The following MYO5B variants were observed in gnomAD, a reference collection of about 807,000 sequenced individuals.
MYO5B encodes myosin VB.
A neutral mutation model predicts 229.3 loss-of-function variants in MYO5B; 143 were observed. The observed-to-expected ratio is 0.62, with a 90% confidence interval of 0.54 to 0.72. The LOEUF (loss-of-function observed/expected upper bound fraction) is 0.72, where lower values mean the gene tolerates loss of function less well. MYO5B is among the 30% of genes least tolerant of loss of function. The probability of loss-of-function intolerance (pLI) is 0.00; values close to 1 mark genes in which losing one functional copy is unlikely to be tolerated. For missense variants in MYO5B, 2,321 were observed against 2,331.0 expected, an observed-to-expected ratio of 1.00 and a Z score of 0.09; for synonymous variants, 918 against 885.2, an observed-to-expected ratio of 1.04 and a Z score of -0.66.
intron 22 of MYO5B, among the ~76,000 whole-genome samples, chr18:49,888,825 G>A (rs571874332): frequency 6.6e-5 from 10 of 152,146 alleles, no homozygotes; most frequent in South Asian, 2.1e-4. Flanking sequence ...GCTCTTGACC[G>A]GCACTCTCCT....
chr18:50,092,032 G>A (rs2031458503), intron 1 of MYO5B, among the ~76,000 whole-genome samples: 1 of 152,158 alleles, frequency 6.6e-6, no homozygotes, highest in South Asian at 2.1e-4. Flanking sequence ...GGCTATTTCA[G>A]GGCTGTTACT....
intron 1 of MYO5B, among the ~76,000 whole-genome samples, chr18:50,135,680 G>A (rs1357960098): frequency 1.3e-5 from 2 of 152,170 alleles, no homozygotes; most frequent in Non-Finnish European, 2.9e-5. Flanking sequence ...AAGTGGGATT[G>A]GTTAAAGACA....
chr18:49,986,199 A>T (rs1016945437), intron 7 of MYO5B, among the ~76,000 whole-genome samples: 9 of 152,100 alleles, frequency 5.9e-5, no homozygotes, highest in African/African-American at 2.2e-4. Context: ...CAGTTTCCTT[A>T]TTATCATGCA....
intron 16 of MYO5B, 30 bp from the exon 17 acceptor site, chr18:49,929,628 C>T: frequency 7.2e-7 from 1 of 1,381,076 alleles, no homozygotes; most frequent in Non-Finnish European, 1.0e-6. Context: ...AAAAAAAAAG[C>T]AAGACAAGAG....
intron 38 of MYO5B, 91 bp downstream of exon 38, chr18:49,836,620 A>G: frequency 6.8e-7 from 1 of 1,469,564 alleles, no homozygotes; most frequent in South Asian, 1.1e-5. Flanking sequence ...GGAGTGCAAC[A>G]CTAACAAATA....
chr18:50,043,520 T>A (rs2030121558), intron 2 of MYO5B, among the ~76,000 whole-genome samples: 1 of 98,000 alleles, frequency 1.0e-5, no homozygotes, highest in Non-Finnish European at 2.0e-5. Flanking sequence ...TATTTATAAG[T>A]ATATAAATAT....
Position 50,059,091 on chromosome 18 carries a change from T to C in MYO5B, c.28-3713A>G, listed in dbSNP as rs558060914. Among the ~76,000 whole-genome samples the C allele has an allele frequency of 4.6e-5, 7 of 152,314 alleles. No individual in the cohort carries two copies. The South Asian group carries it at 1.5e-3, about 32-fold the overall frequency. On this transcript the variant is annotated intron_variant, in intron 1 of 39. Coordinates refer to ENST00000285039, the MANE Select transcript of MYO5B (RefSeq NM_001080467.3). ...TCATTTCTTTCACATCAGTTTCACC[T>C]CATTACAGCAAGATCTTCCAAATAT...
chr18:49,942,156 C>T (rs2025321210), intron 14 of MYO5B, among the ~76,000 whole-genome samples: 1 of 151,312 alleles, frequency 6.6e-6, no homozygotes, highest in African/African-American at 2.4e-5. Flanking sequence ...GAAACTGGAT[C>T]CCTTCCTTAC....
At chr18:49,893,245 A>C (rs540856286) in intron 22 of MYO5B, among the ~76,000 whole-genome samples, 139 of 152,296 alleles carry the variant, frequency 9.1e-4, no homozygotes, top group African/African-American at 3.1e-3. Flanking sequence ...CTGGGTAAAC[A>C]GACTTTGCAG....
intron 1 of MYO5B, among the ~76,000 whole-genome samples, chr18:50,124,835 C>T (rs1475842304): frequency 6.6e-6 from 1 of 152,008 alleles, no homozygotes; most frequent in African/African-American, 2.4e-5. Flanking sequence ...GGAATGTGTA[C>T]AGTCTTTCTT....
intron 1 of MYO5B, among the ~76,000 whole-genome samples, chr18:50,167,861 C>T (rs2032875086): frequency 6.6e-6 from 1 of 152,136 alleles, no homozygotes; most frequent in Admixed American, 6.5e-5. Flanking sequence ...GCCCTCTGGC[C>T]CCACGGGTAA....
Position 50,055,249 on chromosome 18 carries a change from G to A in MYO5B, c.138+19C>T, listed in dbSNP as rs748909324. 2.3e-5 allele frequency: 6 copies of A among 256,720 alleles called. No individual in the cohort carries two copies. Among genetic ancestry groups the A allele is most frequent in the Non-Finnish European group, 4.3e-5 (6 of 139,268 alleles). The allele number at this position is 256,720 out of a possible 1,614,324, so 15.9% of individuals were successfully genotyped here. On this transcript the variant is annotated intron_variant, in intron 2 of 39. Coordinates refer to ENST00000285039, the MANE Select transcript of MYO5B (RefSeq NM_001080467.3). Reference sequence around the variant, plus strand: ...TGCCCCACCTCACCCCCGCCCCCCTGCCCCGGACTCACTCTTACCGTTTCA... The same window carrying A: ...TGCCCCACCTCACCCCCGCCCCCCTACCCCGGACTCACTCTTACCGTTTCA...
chr18:50,162,593 C>A (rs2032783338), intron 1 of MYO5B, among the ~76,000 whole-genome samples: 1 of 152,196 alleles, frequency 6.6e-6, no homozygotes, highest in Non-Finnish European at 1.5e-5. Flanking sequence ...ATCAGGACAT[C>A]TTTGGCATAT....
intron 2 of MYO5B, among the ~76,000 whole-genome samples, chr18:50,054,652 T>C (rs1404590624): frequency 6.6e-6 from 1 of 152,198 alleles, no homozygotes; most frequent in Non-Finnish European, 1.5e-5. Flanking sequence ...GTTACTACCT[T>C]GTCTTCCACT....
intron 1 of MYO5B, among the ~76,000 whole-genome samples, chr18:50,060,045 G>A (rs1253461579): frequency 2.6e-5 from 4 of 152,164 alleles, no homozygotes; most frequent in African/African-American, 4.8e-5. Flanking sequence ...GAAAGGATTC[G>A]GAGGGGAAGG....
rs372301424 is a variant in MYO5B, at chr18:49,875,793, G to C, written c.3431C>G (p.Thr1144Arg). ...IGLEKAAMDM[T>R]VFLKLQKRVR... ...TCTCTTCTGCAGCTTCAGGAAGACC[G>C]TCATGTCCATGGCTGCCTTCTCCAG... The change falls in exon 26 of 40, where the codon ACG becomes AGG. Residue 1144 changes from threonine (T) to arginine (R), a missense_variant. Physicochemically the swap from Thr to Arg is moderately conservative, Grantham distance 71 (BLOSUM62 -1). Transcript: ENST00000285039. 6.2e-7 allele frequency: 1 copy of C among 1,614,108 alleles called. No individual in the cohort carries two copies. Among genetic ancestry groups the C allele is most frequent in the Non-Finnish European group, 8.5e-7 (1 of 1,179,990 alleles).
intron 1 of MYO5B, among the ~76,000 whole-genome samples, chr18:50,187,682 A>AT (rs1461305338): frequency 6.6e-6 from 1 of 151,812 alleles, no homozygotes; most frequent in East Asian, 1.9e-4. Context: ...CACCCAGCTA[A>AT]TTTTTTCTAT....
chr18:50,045,559 A>C (rs2030201456), intron 2 of MYO5B, among the ~76,000 whole-genome samples: 1 of 152,032 alleles, frequency 6.6e-6, no homozygotes, highest in Non-Finnish European at 1.5e-5. Context: ...ACACTTGGCT[A>C]ATTTTTGTAT....
At chr18:50,153,739 T>C (rs998375499) in intron 1 of MYO5B, among the ~76,000 whole-genome samples, 11 of 152,184 alleles carry the variant, frequency 7.2e-5, no homozygotes, top group African/African-American at 2.4e-4. Flanking sequence ...CGTGAGTCAC[T>C]GTGCCCGGCC....
Sources: allele counts gnomAD v4.1 joint callset (sites outside exome capture counted in the v4.1 genomes callset), GRCh38; gene constraint gnomAD v4.1.1; transcripts MANE v1.5; gene names NCBI Gene and HGNC (gene_info 2026-07-23, HGNC 2026-07-21).